Variants in REPS2 observed in about 807,000 individuals in gnomAD.
REPS2 encodes RALBP1 associated Eps domain containing 2.
In REPS2, 23 loss-of-function variants were observed where a neutral mutation model predicts 53.6. The ratio of observed to expected loss-of-function variants is 0.43; its 90% confidence interval spans 0.31 to 0.61. The LOEUF is 0.61. Ranked by LOEUF, REPS2 falls within the 20% of genes least tolerant of loss-of-function variation. The pLI, the probability that REPS2 is intolerant of heterozygous loss-of-function variation, is 0.11. For missense variants in REPS2, 446 were observed against 534.9 expected, an observed-to-expected ratio of 0.83 and a Z score of 1.64; for synonymous variants, 238 against 218.6, an observed-to-expected ratio of 1.09 and a Z score of -0.78.
intron 6 of REPS2, among the ~76,000 whole-genome samples, chrX:17,050,197 T>TTCTTTTC (rs1555926865): frequency 2.2e-5 from 1 of 46,172 alleles, no homozygotes; most frequent in Non-Finnish European, 3.4e-5. Context: ...TTTCTTTCTT[T>TTCTTTTC]TTTTTTTTTT....
chrX:17,166,682 A>C, the REPS2 span, among the ~76,000 whole-genome samples: 3 of 111,803 alleles, frequency 2.7e-5, no homozygotes, highest in African/African-American at 9.8e-5. Flanking sequence ...ACACTTGAGG[A>C]TGTGTAGGGA....
At chrX:16,963,114 A>G (rs1388814266) in intron 1 of REPS2, among the ~76,000 whole-genome samples, 1 of 111,137 alleles carries the variant, frequency 9.0e-6, no homozygotes, top group South Asian at 3.8e-4. Flanking sequence ...AAAAAAAAAG[A>G]TTAAAAAATA....
In REPS2 at chrX:17,043,040, G is replaced by C. The variant is rs1000792345; in HGVS notation, c.772-4307G>C. Among the ~76,000 whole-genome samples the C allele has an allele frequency of 6.3e-5, 7 of 111,592 alleles. No homozygotes were observed. The South Asian group carries it at 2.6e-3, about 42-fold the overall frequency. Reference sequence around the variant, plus strand: ...TCAAACTCCTAGAGTCAAGTGGTCTGCCTGCCTTGGCCTCCCAAAGTGCTG... The same window carrying C: ...TCAAACTCCTAGAGTCAAGTGGTCTCCCTGCCTTGGCCTCCCAAAGTGCTG... On this transcript the variant is annotated intron_variant, in intron 5 of 17. Coordinates refer to ENST00000357277, the MANE Select transcript of REPS2 (RefSeq NM_004726.3).
intron 13 of REPS2, among the ~76,000 whole-genome samples, chrX:17,093,121 G>T (rs2062640321): frequency 1.1e-5 from 1 of 90,936 alleles, no homozygotes; most frequent in Non-Finnish European, 2.1e-5. Flanking sequence ...GCAAGGAAGA[G>T]ATTTTTCAGC....
At chrX:17,018,212 C>CTTTTTTTTTTTTT (rs200578522) in intron 2 of REPS2, among the ~76,000 whole-genome samples, 2 of 92,295 alleles carry the variant, frequency 2.2e-5, no homozygotes. Context: ...TGGCAACTGC[C>CTTTTTTTTTTTTT]TTTTTTTTTT....
the REPS2 span, among the ~76,000 whole-genome samples, chrX:17,169,207 C>T: frequency 0.19 from 20,974 of 111,471 alleles, 1,671 homozygotes; most frequent in African/African-American, 0.3. Context: ...CTTGAAGAAC[C>T]GTGTAGTTTT....
At chrX:17,182,364 G>A in the REPS2 span, among the ~76,000 whole-genome samples, 4 of 111,534 alleles carry the variant, frequency 3.6e-5, no homozygotes, top group African/African-American at 9.8e-5. Flanking sequence ...AAATTTGACC[G>A]AATAAGGTTG....
chrX:17,067,165 C>T (rs1218622485), intron 9 of REPS2, among the ~76,000 whole-genome samples: 1 of 112,022 alleles, frequency 8.9e-6, no homozygotes, highest in Non-Finnish European at 1.9e-5. Flanking sequence ...TTCCTCCCAT[C>T]TACCAACTCA....
chrX:17,068,768 G>GT (rs113146998), intron 10 of REPS2, among the ~76,000 whole-genome samples: 2,916 of 112,628 alleles, frequency 0.026, 102 homozygotes, highest in African/African-American at 0.091. Context: ...ACAGGAAGCT[G>GT]AACGAATTGA....
chrX:17,144,728 C>T (rs1181695224), intron 17 of REPS2, among the ~76,000 whole-genome samples: 3 of 112,258 alleles, frequency 2.7e-5, no homozygotes, highest in Non-Finnish European at 5.6e-5. Flanking sequence ...ATTTACACTG[C>T]AAATCTTTCT....
chrX:17,147,378 G>T, intron 17 of REPS2, 35 bp from the exon 18 acceptor site: 1 of 1,129,382 alleles, frequency 8.9e-7, no homozygotes, highest in African/African-American at 1.8e-5. Context: ...TGACCCCTTT[G>T]CTTTTTTGTT....
chrX:16,966,529 A>G (rs2060772104), intron 1 of REPS2, among the ~76,000 whole-genome samples: 1 of 112,561 alleles, frequency 8.9e-6, no homozygotes, highest in South Asian at 3.6e-4. Context: ...AGGTAATTTT[A>G]TACAATATTT....
At chrX:17,194,171 C>G in the REPS2 span, among the ~76,000 whole-genome samples, 1 of 111,537 alleles carries the variant, frequency 9.0e-6, no homozygotes, top group Admixed American at 9.6e-5. Context: ...TGTTATGGAG[C>G]CTCAATTTCT....
intron 16 of REPS2, 30 bp from the exon 17 acceptor site, chrX:17,138,826 T>C: frequency 9.4e-7 from 1 of 1,064,995 alleles, no homozygotes; most frequent in Non-Finnish European, 1.3e-6. Context: ...CTAAGTCCTT[T>C]TTCACTGAAG....
intron 1 of REPS2, among the ~76,000 whole-genome samples, chrX:16,985,808 T>C (rs376220406): frequency 3.6e-5 from 4 of 111,626 alleles, no homozygotes; most frequent in South Asian, 7.5e-4. Context: ...GTACGGGGGT[T>C]CTTAGCATTA....
chrX:17,185,663 G>A, the REPS2 span, among the ~76,000 whole-genome samples: 3 of 111,846 alleles, frequency 2.7e-5, no homozygotes, highest in South Asian at 3.7e-4. Context: ...AGAAACTGTC[G>A]CTGTAGAGAA....
the REPS2 span, among the ~76,000 whole-genome samples, chrX:17,186,327 G>A: frequency 2.9e-4 from 33 of 112,337 alleles, no homozygotes; most frequent in Non-Finnish European, 5.4e-4. Flanking sequence ...ACAGTTTCAC[G>A]TCTATCACAA....
At chrX:17,045,355 A>C (rs2061892079) in intron 5 of REPS2, among the ~76,000 whole-genome samples, 1 of 110,598 alleles carries the variant, frequency 9.0e-6, no homozygotes, top group Non-Finnish European at 1.9e-5. Context: ...GATGGTCATT[A>C]TTTGCTGCCT....
chrX:17,195,295 C>T, the REPS2 span, among the ~76,000 whole-genome samples: 2 of 112,268 alleles, frequency 1.8e-5, no homozygotes, highest in African/African-American at 6.5e-5. Context: ...CTCTGCCCAC[C>T]TTTCATGCCC....
Sources: gnomAD v4.1 joint callset for allele counts (sites outside exome capture counted in the v4.1 genomes callset) on GRCh38, gnomAD v4.1.1 for gene constraint, MANE v1.5 for transcripts, NCBI Gene and HGNC (gene_info 2026-07-23, HGNC 2026-07-21) for gene names.